Variants in TENM4 observed in about 807,000 individuals in gnomAD.
TENM4 encodes the protein teneurin transmembrane protein 4.
A neutral mutation model predicts 243.3 loss-of-function variants in TENM4; 82 were observed. The ratio of observed to expected loss-of-function variants is 0.34; its 90% CI spans 0.28 to 0.40. The LOEUF (loss-of-function observed/expected upper bound fraction) is 0.40, where lower values mean the gene tolerates loss of function less well. TENM4 is among the 10% of genes least tolerant of loss of function. TENM4 has a pLI of 1.00. For synonymous variants in TENM4, 1,412 were observed against 1,456.3 expected (o/e 0.97, Z 0.69); for missense variants, 3,138 against 3,673.3 (o/e 0.85, Z 3.77).
intron 3 of TENM4, among the ~76,000 whole-genome samples, chr11:79,169,432 G>A (rs1862989905): frequency 1.3e-5 from 2 of 152,094 alleles, no homozygotes; most frequent in Admixed American, 6.5e-5. Context: ...GGATCTCAGA[G>A]CCAGGGCATA....
At chr11:79,418,466 C>T (rs1388295503) in intron 1 of TENM4, among the ~76,000 whole-genome samples, 4 of 152,224 alleles carry the variant, frequency 2.6e-5, no homozygotes, top group Non-Finnish European at 4.4e-5. Flanking sequence ...AATCATGTGG[C>T]TTACAAGCTG....
At chr11:78,802,677 C>T (rs1303875386) in intron 15 of TENM4, among the ~76,000 whole-genome samples, 2 of 152,218 alleles carry the variant, frequency 1.3e-5, no homozygotes, top group Non-Finnish European at 2.9e-5. Context: ...GGGGCAATAC[C>T]GTACCTGTCA....
intron 6 of TENM4, chr11:79,021,806 T>G (rs571255514): frequency 6.6e-6 from 1 of 152,000 alleles, no homozygotes; most frequent in African/African-American, 2.4e-5. Context: ...GGTCTGGAGG[T>G]TAGATAAGAG....
At chr11:79,422,450 A>C (rs1430233468) in intron 1 of TENM4, among the ~76,000 whole-genome samples, 1 of 152,092 alleles carries the variant, frequency 6.6e-6, no homozygotes, top group Non-Finnish European at 1.5e-5. Context: ...CCTGTCATCT[A>C]TAATACCTGT....
chr11:78,748,926 T>C (rs919866747), intron 19 of TENM4, among the ~76,000 whole-genome samples: 1 of 152,240 alleles, frequency 6.6e-6, no homozygotes, highest in Middle Eastern at 3.4e-3. Flanking sequence ...GGGGAGGAAG[T>C]TGAGTCTCAC....
chr11:79,030,015 T>C (rs1002180570), intron 6 of TENM4, among the ~76,000 whole-genome samples: 1 of 152,012 alleles, frequency 6.6e-6, no homozygotes. Context: ...GGAAAGGTAA[T>C]AGGCAGAACC....
intron 1 of TENM4, among the ~76,000 whole-genome samples, chr11:79,387,467 T>C (rs938531666): frequency 6.6e-6 from 1 of 152,224 alleles, no homozygotes; most frequent in Non-Finnish European, 1.5e-5. Context: ...GGGCAAGGCA[T>C]TTAATCTACC....
chr11:78,947,417 G>T (rs2136478152), intron 6 of TENM4, among the ~76,000 whole-genome samples: 1 of 152,306 alleles, frequency 6.6e-6, no homozygotes, highest in South Asian at 2.1e-4. Flanking sequence ...TAGGCTTGAG[G>T]TAGGGAGTGA....
At chr11:79,095,052 G>A (rs1163273454) in intron 4 of TENM4, among the ~76,000 whole-genome samples, 1 of 152,136 alleles carries the variant, frequency 6.6e-6, no homozygotes, top group African/African-American at 2.4e-5. Context: ...CCAAGATCTT[G>A]CATCAGCCTG....
chr11:78,756,748 G>C, intron 19 of TENM4, 57 bp downstream of exon 19: 1 of 1,503,444 alleles, frequency 6.7e-7, no homozygotes, highest in Non-Finnish European at 9.1e-7. Context: ...AGAGGCTCTA[G>C]AGTGATTCAG....
chr11:79,034,589 A>AT (rs1006180613), intron 6 of TENM4, among the ~76,000 whole-genome samples: 52 of 151,936 alleles, frequency 3.4e-4, no homozygotes, highest in Admixed American at 1.1e-3. Context: ...ATTAAAAAAA[A>AT]TTTTTTTTTA....
intron 19 of TENM4, among the ~76,000 whole-genome samples, chr11:78,752,503 G>A (rs1413276202): frequency 6.6e-6 from 1 of 152,214 alleles, no homozygotes; most frequent in African/African-American, 2.4e-5. Context: ...GCCTTTCCTT[G>A]CTGGTCTCAG....
chr11:79,122,368 A>G (rs763227597), intron 4 of TENM4, among the ~76,000 whole-genome samples: 2 of 152,218 alleles, frequency 1.3e-5, no homozygotes, highest in African/African-American at 2.4e-5. Flanking sequence ...TGGAGCCTGG[A>G]CAGCCCATTT....
At chr11:79,163,989 G>C (rs35853911) in intron 3 of TENM4, among the ~76,000 whole-genome samples, 45 of 126,144 alleles carry the variant, frequency 3.6e-4, no homozygotes, top group African/African-American at 1.3e-3. Context: ...TATATATAGT[G>C]TATATATAGT....
intron 12 of TENM4, among the ~76,000 whole-genome samples, chr11:78,834,881 C>A (rs1858066074): frequency 6.6e-6 from 1 of 152,174 alleles, no homozygotes; most frequent in Admixed American, 6.5e-5. Context: ...CAGCTCTGTG[C>A]CTCACCCCTG....
At chr11:79,201,958 G>A (rs1863747133) in intron 3 of TENM4, among the ~76,000 whole-genome samples, 1 of 152,190 alleles carries the variant, frequency 6.6e-6, no homozygotes, top group Non-Finnish European at 1.5e-5. Flanking sequence ...GCATTTGAGA[G>A]ATATGCAGGA....
intron 9 of TENM4, among the ~76,000 whole-genome samples, chr11:78,875,902 C>G (rs975502408): frequency 2.2e-4 from 33 of 152,214 alleles, no homozygotes; most frequent in African/African-American, 7.7e-4. Flanking sequence ...TCAGCTTAGG[C>G]TTTGCTGGGA....
intron 4 of TENM4, among the ~76,000 whole-genome samples, chr11:79,084,361 TC>T (rs1860752914): frequency 6.6e-6 from 1 of 152,228 alleles, no homozygotes; most frequent in South Asian, 2.1e-4. Context: ...GCGCTTGTAT[TC>T]TTGGGCATTT....
At chr11:78,921,476 C>A (rs1260036832) in intron 6 of TENM4, among the ~76,000 whole-genome samples, 2 of 152,248 alleles carry the variant, frequency 1.3e-5, no homozygotes, top group Non-Finnish European at 2.9e-5. Flanking sequence ...AAGATACAGT[C>A]TGACTGTCCC....
Sources: gnomAD v4.1 joint callset for allele counts (sites outside exome capture counted in the v4.1 genomes callset) on GRCh38, gnomAD v4.1.1 for gene constraint, MANE v1.5 for transcripts, NCBI Gene and HGNC (gene_info 2026-07-23, HGNC 2026-07-21) for gene names.